GLCCI1: variants seen among roughly 807,000 people sequenced by gnomAD.
The protein encoded by GLCCI1 is glucocorticoid-induced transcript 1 protein.
Under a neutral mutation model 52.2 loss-of-function variants are expected in GLCCI1, and 24 were observed. The ratio of observed to expected loss-of-function variants is 0.46; its 90% confidence interval spans 0.33 to 0.65. GLCCI1 has a LOEUF of 0.65. Ranked by LOEUF, GLCCI1 falls within the 30% of genes least tolerant of loss-of-function variation. The probability of loss-of-function intolerance (pLI) is 0.02; values close to 1 mark genes in which losing one functional copy is unlikely to be tolerated. For missense variants in GLCCI1, 704 were observed against 701.5 expected, an observed-to-expected ratio of 1.00 and a Z score of -0.04; for synonymous variants, 310 against 276.5, an observed-to-expected ratio of 1.12 and a Z score of -1.20.
intron 1 of GLCCI1, among the ~76,000 whole-genome samples, chr7:7,992,850 T>C (rs776220961): frequency 2.0e-4 from 31 of 152,128 alleles, no homozygotes; most frequent in Non-Finnish European, 4.0e-4. Context: ...TTGTGTTTCT[T>C]GTAACTTAGT....
At chr7:8,082,613 T>G (rs754367536) in intron 6 of GLCCI1, among the ~76,000 whole-genome samples, 6 of 152,170 alleles carry the variant, frequency 3.9e-5, no homozygotes, top group Non-Finnish European at 5.9e-5. Context: ...AAAAAAATTT[T>G]TATTGAAAAG....
chr7:8,023,585 A>ATTTTTTTTTTTTTT (rs1268659559), intron 3 of GLCCI1, among the ~76,000 whole-genome samples: 12 of 39,768 alleles, frequency 3.0e-4, no homozygotes, highest in South Asian at 6.8e-4. Context: ...AATCTCTGTT[A>ATTTTTTTTTTTTTT]TTCTTTTTTT....
chr7:7,981,603 G>A (rs146527923), intron 1 of GLCCI1: 24 of 207,624 alleles, frequency 1.2e-4, no homozygotes, highest in African/African-American at 5.0e-4. Flanking sequence ...GATTACAGAT[G>A]TATGCTTTTA....
chr7:7,998,732 T>C (rs1049709427), intron 1 of GLCCI1, among the ~76,000 whole-genome samples: 1 of 152,176 alleles, frequency 6.6e-6, no homozygotes, highest in African/African-American at 2.4e-5. Context: ...ACTGACCTTT[T>C]GAAGGAGCTG....
Position 7,969,704 on chromosome 7 carries a change from C to G in GLCCI1, c.354C>G (p.Ala118=), listed in dbSNP as rs13246559. Residue 118 remains alanine, a synonymous_variant, in exon 1 of 8, where the codon GCC becomes GCG. Transcript: ENST00000223145. The surrounding 1 kb of genome is among the most constrained non-coding windows in gnomAD (Gnocchi z 4.9). ...SPTPPAAAAP[A]EQAPRAKGRP... is the part of the protein sequence containing the mutation. ...CGCCGCCGGCGGCCGCAGCCCCGGCCGAGCAGGCGCCGCGGGCCAAGGGCC... is the reference window on the plus strand; with the variant it reads ...CGCCGCCGGCGGCCGCAGCCCCGGCGGAGCAGGCGCCGCGGGCCAAGGGCC... 1.6e-6 allele frequency: 2 copies of G among 1,289,152 alleles called. No individual in the cohort carries two copies. Among genetic ancestry groups the G allele is most frequent in the African/African-American group, 1.6e-5 (1 of 62,732 alleles). 79.9% of individuals were successfully genotyped at this position (1,289,152 alleles called of 1,614,324 possible).
At chr7:8,014,265 G>C (rs2127946162) in intron 2 of GLCCI1, among the ~76,000 whole-genome samples, 1 of 152,278 alleles carries the variant, frequency 6.6e-6, no homozygotes, top group African/African-American at 2.4e-5. Context: ...CCAAAGTGCT[G>C]AGATGACAGA....
At chr7:8,020,185 C>CT (rs1256819984) in intron 2 of GLCCI1, among the ~76,000 whole-genome samples, 2 of 151,836 alleles carry the variant, frequency 1.3e-5, no homozygotes, top group East Asian at 1.9e-4. Flanking sequence ...CCTTTTTAGA[C>CT]TTTTTTTTAA....
intron 4 of GLCCI1, among the ~76,000 whole-genome samples, chr7:8,057,822 G>A (rs1165293793): frequency 6.6e-6 from 1 of 152,076 alleles, no homozygotes; most frequent in Non-Finnish European, 1.5e-5. Context: ...ACTGAACAAA[G>A]AATGCTTACA....
chr7:8,031,982 T>C (rs992339853), intron 3 of GLCCI1, among the ~76,000 whole-genome samples: 2 of 152,074 alleles, frequency 1.3e-5, no homozygotes, highest in African/African-American at 4.8e-5. Flanking sequence ...TATAATTATA[T>C]GACAGTAATT....
intron 2 of GLCCI1, among the ~76,000 whole-genome samples, chr7:8,015,249 C>A (rs1334360570): frequency 6.6e-6 from 1 of 152,196 alleles, no homozygotes; most frequent in Non-Finnish European, 1.5e-5. Context: ...GATGATGCAC[C>A]TCAAATACTT....
intron 1 of GLCCI1, among the ~76,000 whole-genome samples, chr7:8,003,685 AG>A (rs766464355): frequency 3.9e-5 from 6 of 152,176 alleles, no homozygotes; most frequent in Non-Finnish European, 5.9e-5. Flanking sequence ...TAGGCTTCAT[AG>A]GGTCTGTGGG....
chr7:7,989,134 A>G (rs1162726754), intron 1 of GLCCI1, among the ~76,000 whole-genome samples: 1 of 152,184 alleles, frequency 6.6e-6, no homozygotes. Context: ...TTGGGCTTTT[A>G]TTGTGATAAG....
At chr7:8,004,924 C>T (rs1027301223) in intron 2 of GLCCI1, among the ~76,000 whole-genome samples, 5 of 152,182 alleles carry the variant, frequency 3.3e-5, no homozygotes, top group African/African-American at 9.7e-5. Context: ...TGGACATGAT[C>T]TGTAAAACTC....
In GLCCI1 at chr7:8,086,387, C is replaced by G. The variant is rs1402425628; in HGVS notation, c.1493C>G (p.Ser498Ter). The G allele has an allele frequency of 1.2e-6, 2 of 1,614,050 alleles. No homozygotes were observed. The highest frequency in any genetic ancestry group is 1.7e-6 in the Non-Finnish European group (2 of 1,180,040). Residue 498 changes from serine (S) to a stop codon, truncating the protein, a stop_gained, in exon 8 of 8, where the codon TCA becomes TGA. Transcript: ENST00000223145. LOFTEE classifies it high-confidence loss of function. The surrounding 1 kb of genome is among the most constrained non-coding windows in gnomAD (Gnocchi z 4.4). ...GCAACTCTGACCGTTGAGCAGCTCT[C>G]ATCCCGGGTTTCCTTTACGTCTCTT... Reference protein sequence around the residue: ...ALATLTVEQLSSRVSFTSLSD... With the variant: ...ALATLTVEQL
At chr7:8,003,773 A>G (rs893716510) in intron 1 of GLCCI1, 135 bp from the exon 2 acceptor site, 7 of 666,640 alleles carry the variant, frequency 1.1e-5, no homozygotes, top group Admixed American at 5.9e-5. Context: ...ATCTGATCAT[A>G]CAACAGGGCT....
intron 3 of GLCCI1, among the ~76,000 whole-genome samples, chr7:8,036,830 C>A (rs1437633653): frequency 6.6e-6 from 1 of 152,048 alleles, no homozygotes; most frequent in Admixed American, 6.5e-5. Context: ...ACAGGTCCTG[C>A]AAGTTAATCC....
intron 2 of GLCCI1, among the ~76,000 whole-genome samples, chr7:8,017,341 G>A (rs188335587): frequency 6.6e-6 from 1 of 152,304 alleles, no homozygotes; most frequent in East Asian, 1.9e-4. Flanking sequence ...AGAAAAATGA[G>A]TGGGTATATG....
chr7:7,969,284 A>G lies in GLCCI1; in HGVS notation c.-67A>G. On this transcript the variant is annotated 5_prime_UTR_variant, in exon 1 of 8. Coordinates refer to ENST00000223145, the MANE Select transcript of GLCCI1 (RefSeq NM_138426.4). This position sits in a 1 kb window ranked among gnomAD's most constrained non-coding sequence, Gnocchi z 4.9. ...CACGCACTATCGCGCCGGCTCCCAC[A>G]CGCTCGCGCGCCTCCCGCCCCGCGC... The G allele has an allele frequency of 1.7e-6, 2 of 1,184,604 alleles. No homozygotes were observed. Among genetic ancestry groups the G allele is most frequent in the Non-Finnish European group, 2.1e-6 (2 of 948,596 alleles). The allele number at this position is 1,184,604 out of a possible 1,614,324, so 73.4% of individuals were successfully genotyped here.
chr7:8,065,869 G>A (rs1211975261), intron 5 of GLCCI1, among the ~76,000 whole-genome samples: 3 of 152,024 alleles, frequency 2.0e-5, no homozygotes, highest in East Asian at 1.9e-4. Context: ...TGTTGTCATC[G>A]TCATGTCTCT....
Sources: allele counts gnomAD v4.1 joint callset (sites outside exome capture counted in the v4.1 genomes callset), GRCh38; gene constraint gnomAD v4.1.1; non-coding constraint Gnocchi (gnomAD v3.1); transcripts MANE v1.5; gene names NCBI Gene and HGNC (gene_info 2026-07-23, HGNC 2026-07-21).